DGKI: variants seen among roughly 807,000 people sequenced by gnomAD.
DGKI encodes DAG kinase iota.
DGKI carries 55 observed loss-of-function variants against 147.5 expected under a neutral mutation model. That is an observed-to-expected ratio of 0.37 (90% CI 0.30 to 0.47). DGKI has a LOEUF of 0.47. Among genes scored for constraint, DGKI ranks in the 20% least tolerant of loss-of-function variants. The pLI, the probability that DGKI is intolerant of heterozygous loss-of-function variation, is 1.00. For missense variants in DGKI, 1,007 were observed against 1,323.8 expected, an observed-to-expected ratio of 0.76 and a Z score of 3.71; for synonymous variants, 469 against 477.1, an observed-to-expected ratio of 0.98 and a Z score of 0.22.
At chr7:137,670,864 C>T (rs1822819929) in intron 3 of DGKI, among the ~76,000 whole-genome samples, 1 of 152,232 alleles carries the variant, frequency 6.6e-6, no homozygotes, top group Admixed American at 6.5e-5. Flanking sequence ...GCTGACAGAG[C>T]AGGAGCAACA....
intron 14 of DGKI, among the ~76,000 whole-genome samples, chr7:137,583,163 T>C (rs1251913317): frequency 1.3e-5 from 2 of 152,122 alleles, no homozygotes; most frequent in Non-Finnish European, 2.9e-5. Flanking sequence ...AAGTAAGGAA[T>C]GACCCCACAT....
At chr7:137,443,124 G>A (rs1813575615) in intron 28 of DGKI, among the ~76,000 whole-genome samples, 2 of 152,086 alleles carry the variant, frequency 1.3e-5, no homozygotes, top group African/African-American at 4.8e-5. Context: ...GTAGGAGAAG[G>A]GAAAAGATGG....
At position 137,678,568 on chromosome 7, in the gene DGKI, C is replaced by T. The variant is rs1823118806; in HGVS notation, c.595G>A (p.Val199Ile). Residue 199 changes from valine to isoleucine, a missense_variant, in exon 3 of 33, where the codon GTC (valine) becomes ATC (isoleucine). Coordinates refer to ENST00000614521, the MANE Select transcript of DGKI (RefSeq NM_001321708.2). ...GAGCGCACACTCACTGCAAATCTGA[C>T]TTGGCAGTTCTCCTCTCCAAGGTAG... is the stretch of plus-strand genomic sequence containing the variant. ...LCYLGEENCQ[V>I]RFAKSALRRK... The T allele has an allele frequency of 1.2e-6, 2 of 1,614,142 alleles. No individual in the cohort carries two copies. The highest frequency in any genetic ancestry group is 1.1e-5 in the South Asian group (1 of 91,084).
chr7:137,653,672 T>C (rs1402765219), intron 5 of DGKI, among the ~76,000 whole-genome samples: 1 of 152,180 alleles, frequency 6.6e-6, no homozygotes, highest in East Asian at 1.9e-4. Context: ...CTGACCCCTC[T>C]CCTCTCTTTC....
At chr7:137,664,418 AAGG>A (rs1822563169) in intron 3 of DGKI, among the ~76,000 whole-genome samples, 1 of 151,740 alleles carries the variant, frequency 6.6e-6, no homozygotes, top group East Asian at 1.9e-4. Flanking sequence ...AAAGAAAAAA[AAGG>A]AAAGGAAAAA....
chr7:137,717,756 A>AG (rs1398550010), intron 1 of DGKI, among the ~76,000 whole-genome samples: 1 of 152,202 alleles, frequency 6.6e-6, no homozygotes, highest in Non-Finnish European at 1.5e-5. Context: ...AGTTCTAACA[A>AG]GGGGTTGGAA....
chr7:137,485,398 A>C lies in DGKI; in HGVS notation c.2349T>G (p.Ser783=). ...RLQEDLQSVS[S]GSQRVHYQDH... Reference sequence around the variant, plus strand: ...CCTGGTAATGAACTCTCTGGGAGCCAGAAGAAACTGACTGTAGGTCCTAAT... The same window carrying C: ...CCTGGTAATGAACTCTCTGGGAGCCCGAAGAAACTGACTGTAGGTCCTAAT... Residue 783 remains serine (S), a synonymous_variant, in exon 23 of 33, where the codon TCT becomes TCG. Coordinates refer to ENST00000614521, the MANE Select transcript of DGKI (RefSeq NM_001321708.2). 1 of 1,609,906 alleles carries C rather than the reference A, an allele frequency of 6.2e-7. No homozygotes were observed. The highest frequency in any genetic ancestry group is 8.5e-7 in the Non-Finnish European group (1 of 1,177,836).
At chr7:137,425,664 G>A (rs1239599255) in intron 28 of DGKI, among the ~76,000 whole-genome samples, 3 of 152,120 alleles carry the variant, frequency 2.0e-5, no homozygotes, top group Admixed American at 6.5e-5. Context: ...AAATTTAGAA[G>A]AATGTATAAC....
chr7:137,643,029 T>C (rs532122696), intron 6 of DGKI, among the ~76,000 whole-genome samples: 28 of 148,300 alleles, frequency 1.9e-4, no homozygotes, highest in African/African-American at 6.4e-4. Flanking sequence ...CGGTGGCTCA[T>C]GCCTATAATC....
intron 1 of DGKI, among the ~76,000 whole-genome samples, chr7:137,715,830 G>A (rs117371885): frequency 0.024 from 3,625 of 152,236 alleles, 60 homozygotes; most frequent in Non-Finnish European, 0.034. Context: ...CTGCTTGTAA[G>A]AGAGAAGTAG....
At chr7:137,815,361 T>G (rs2117014476) in intron 1 of DGKI, among the ~76,000 whole-genome samples, 1 of 152,292 alleles carries the variant, frequency 6.6e-6, no homozygotes, top group South Asian at 2.1e-4. Context: ...TGGTGCTGGA[T>G]TAGCTGCTCC....
intron 7 of DGKI, among the ~76,000 whole-genome samples, chr7:137,620,927 C>G (rs1380200012): frequency 6.6e-6 from 1 of 152,146 alleles, no homozygotes; most frequent in African/African-American, 2.4e-5. Context: ...CTTCACGTAA[C>G]TATATTATTT....
At chr7:137,394,208 A>G (rs550180631) in intron 32 of DGKI, among the ~76,000 whole-genome samples, 1 of 152,314 alleles carries the variant, frequency 6.6e-6, no homozygotes, top group East Asian at 1.9e-4. Flanking sequence ...CGCAAGCCAT[A>G]TGCGACCCAG....
Position 137,815,056 on chromosome 7 carries a change from G to C in DGKI, c.401+31406C>G, listed in dbSNP as rs1278499554. On this transcript the variant is annotated intron_variant, in intron 1 of 32. Transcript: ENST00000614521. ...AGATCAGCTCTCTTTTTTCTTCCCA[G>C]GAAAAAATAAAAAAAAAAACTAAAT... Among the ~76,000 whole-genome samples, 3 of 149,972 alleles carry C rather than the reference G, an allele frequency of 2.0e-5. No homozygotes were observed. In the East Asian group the frequency reaches 5.8e-4, roughly 29 times the overall value.
intron 30 of DGKI, among the ~76,000 whole-genome samples, chr7:137,402,302 A>G (rs919211315): frequency 6.6e-6 from 1 of 152,238 alleles, no homozygotes; most frequent in Non-Finnish European, 1.5e-5. Context: ...TATGGATTCA[A>G]AAGACTGTGC....
In DGKI at chr7:137,577,086, G is replaced by GT. The variant is rs530629883; in HGVS notation, c.1761+135dup. The GT allele has an allele frequency of 3.9e-4, 273 of 695,110 alleles. 5 individuals carry two copies. In the South Asian group the frequency reaches 4.5e-3, roughly 11 times the overall value. 43.1% of individuals were successfully genotyped at this position (695,110 alleles called of 1,614,324 possible). A position where few individuals can be genotyped will look rare whatever the true frequency, so the allele number is the denominator to read the frequency against. ...AGTGCCTGACACATAATAAGTGTAG[G>GT]TTGAATGAACTACACAAAATGATCT... On this transcript the variant is annotated intron_variant, in intron 17 of 32. Coordinates refer to ENST00000614521, the MANE Select transcript of DGKI (RefSeq NM_001321708.2).
chr7:137,799,204 G>A (rs1289481278), intron 1 of DGKI, among the ~76,000 whole-genome samples: 4 of 152,072 alleles, frequency 2.6e-5, no homozygotes, highest in African/African-American at 7.2e-5. Flanking sequence ...TGATACATCC[G>A]ATAACATAGA....
chr7:137,673,033 C>T (rs1356636134), intron 3 of DGKI, among the ~76,000 whole-genome samples: 2 of 152,034 alleles, frequency 1.3e-5, no homozygotes, highest in Non-Finnish European at 2.9e-5. Context: ...CCACCTGCCT[C>T]GGCCTCCCAA....
At chr7:137,679,329 T>C (rs1480418853) in intron 2 of DGKI, among the ~76,000 whole-genome samples, 1 of 152,042 alleles carries the variant, frequency 6.6e-6, no homozygotes, top group Admixed American at 6.6e-5. Context: ...GCTGCTAGAA[T>C]GTATGACCTG....
Sources: gnomAD v4.1 joint callset for allele counts (sites outside exome capture counted in the v4.1 genomes callset) on GRCh38, gnomAD v4.1.1 for gene constraint, MANE v1.5 for transcripts, NCBI Gene and HGNC (gene_info 2026-07-23, HGNC 2026-07-21) for gene names.